DNAJC3: variants seen among roughly 807,000 people sequenced by gnomAD.
DNAJC3 encodes the protein DnaJ heat shock protein family (Hsp40) member C3.
In DNAJC3, 38 loss-of-function variants were observed where a neutral mutation model predicts 68.6. The ratio of observed to expected loss-of-function variants is 0.55; its 90% CI spans 0.43 to 0.73. The LOEUF is 0.73. Among genes scored for constraint, DNAJC3 ranks in the 30% least tolerant of loss-of-function variants. The pLI is 0.00. For synonymous variants in DNAJC3, 203 were observed against 204.0 expected (o/e 1.00, Z 0.04); for missense variants, 526 against 591.9 (o/e 0.89, Z 1.16).
At chr13:95,746,076 G>T (rs575275240) in intron 4 of DNAJC3, among the ~76,000 whole-genome samples, 3 of 152,282 alleles carry the variant, frequency 2.0e-5, no homozygotes, top group African/African-American at 7.2e-5. Context: ...TTGGCAAGTA[G>T]GTTTTAGATT....
intron 1 of DNAJC3, among the ~76,000 whole-genome samples, chr13:95,688,754 A>C (rs1014341296): frequency 2.0e-5 from 3 of 152,082 alleles, no homozygotes; most frequent in Admixed American, 6.6e-5. Flanking sequence ...CTCCCACCTC[A>C]GCCTCCCAAG....
intron 3 of DNAJC3, among the ~76,000 whole-genome samples, chr13:95,724,666 T>TC (rs1881447133): frequency 6.6e-6 from 1 of 152,174 alleles, no homozygotes; most frequent in Non-Finnish European, 1.5e-5. Context: ...TAGCGGTCAC[T>TC]CCCCATTGCT....
At chr13:95,786,116 C>G in intron 10 of DNAJC3, 45 bp downstream of exon 10, 1 of 1,530,952 alleles carries the variant, frequency 6.5e-7, no homozygotes, top group Non-Finnish European at 8.8e-7. Context: ...TTAATCAACT[C>G]TGTTTCAAAG....
At chr13:95,711,786 A>G (rs1282797501) in intron 2 of DNAJC3, among the ~76,000 whole-genome samples, 4 of 152,214 alleles carry the variant, frequency 2.6e-5, no homozygotes, top group East Asian at 3.8e-4. Flanking sequence ...GCGTCTTTCA[A>G]TAATATATAG....
intron 2 of DNAJC3, among the ~76,000 whole-genome samples, chr13:95,722,836 C>T (rs112865714): frequency 9.6e-5 from 3 of 31,232 alleles, no homozygotes; most frequent in African/African-American, 2.8e-4. Context: ...CCCCCCCCCC[C>T]CCCGCCGAAA....
chr13:95,708,998 C>T (rs1235900313), intron 1 of DNAJC3, among the ~76,000 whole-genome samples: 1 of 152,160 alleles, frequency 6.6e-6, no homozygotes, highest in Non-Finnish European at 1.5e-5. Flanking sequence ...GGACTGGTTA[C>T]ATTCTTTTGA....
At chr13:95,713,458 C>A (rs542769262) in intron 2 of DNAJC3, among the ~76,000 whole-genome samples, 16 of 152,240 alleles carry the variant, frequency 1.1e-4, no homozygotes, top group African/African-American at 3.6e-4. Context: ...TTGCTGAAAA[C>A]CACAAAAATA....
chr13:95,758,563 A>G (rs1181750575), intron 5 of DNAJC3, among the ~76,000 whole-genome samples: 1 of 151,260 alleles, frequency 6.6e-6, no homozygotes, highest in Non-Finnish European at 1.5e-5. Flanking sequence ...TGAGAAGCAG[A>G]GGTTGCAGTG....
chr13:95,735,479 C>T (rs1315771504), intron 4 of DNAJC3, among the ~76,000 whole-genome samples: 1 of 144,036 alleles, frequency 6.9e-6, no homozygotes, highest in African/African-American at 2.6e-5. Flanking sequence ...CTCTCCAGCA[C>T]CTGTTGTTTC....
In DNAJC3 at chr13:95,791,438, A is replaced by G; in HGVS notation, c.*408A>G. On this transcript the variant is annotated 3_prime_UTR_variant, in exon 12 of 12. Coordinates refer to ENST00000602402, the MANE Select transcript of DNAJC3 (RefSeq NM_006260.5). ...ATCTTCATGAGGATGGTTATACTTCAGTATTCTTAAAGAGAACATGAACAT... is the reference window on the plus strand; with the variant it reads ...ATCTTCATGAGGATGGTTATACTTCGGTATTCTTAAAGAGAACATGAACAT... The G allele has an allele frequency of 4.8e-6, 1 of 209,310 alleles. No homozygotes were observed. The highest frequency in any genetic ancestry group is 7.1e-5 in the South Asian group (1 of 13,990). The allele number at this position is 209,310 out of a possible 1,614,324, so 13.0% of individuals were successfully genotyped here. A position where few individuals can be genotyped will look rare whatever the true frequency, so the allele number is the denominator to read the frequency against.
At chr13:95,725,137 C>G (rs768344165) in intron 3 of DNAJC3, 41 bp from the exon 4 acceptor site, 1 of 1,343,720 alleles carries the variant, frequency 7.4e-7, no homozygotes, top group African/African-American at 1.5e-5. Flanking sequence ...ATTTAGAAAT[C>G]TATAATATTC....
chr13:95,748,433 C>A (rs1231256908), intron 4 of DNAJC3, among the ~76,000 whole-genome samples: 4 of 152,186 alleles, frequency 2.6e-5, no homozygotes, highest in African/African-American at 9.7e-5. Flanking sequence ...TATTATACAT[C>A]AAAATAACTG....
chr13:95,731,512 C>T (rs1381679971), intron 4 of DNAJC3, among the ~76,000 whole-genome samples: 1 of 152,158 alleles, frequency 6.6e-6, no homozygotes, highest in Non-Finnish European at 1.5e-5. Flanking sequence ...CCTGAGGAGG[C>T]TTTGAATTTT....
In DNAJC3 at chr13:95,760,125, T is replaced by G; in HGVS notation, c.632T>G (p.Leu211Ter). The stretch of plus-strand genomic sequence containing the variant: ...GAACCTAGGAAAGCTATAAGTGACT[T>G]AAAAGCTGCGTCAAAGTTGAAGAAT... ...EGEPRKAISDLKAASKLKNDN... is the reference protein window; with the variant it reads ...EGEPRKAISD Residue 211 changes from leucine (L) to a stop codon, truncating the protein, a stop_gained, in exon 6 of 12, where the codon TTA becomes TGA. Coordinates refer to ENST00000602402, the MANE Select transcript of DNAJC3 (RefSeq NM_006260.5). LOFTEE classifies it high-confidence loss of function. The G allele has an allele frequency of 6.2e-7, 1 of 1,613,150 alleles. No individual in the cohort carries two copies. Among genetic ancestry groups the G allele is most frequent in the Non-Finnish European group, 8.5e-7 (1 of 1,179,494 alleles).
At position 95,712,922 on chromosome 13, in the gene DNAJC3, T is replaced by C. The variant is rs1881020363; in HGVS notation, c.193+3585T>C. Among the ~76,000 whole-genome samples the C allele has an allele frequency of 2.6e-5, 4 of 152,140 alleles. No individual in the cohort carries two copies. The South Asian group carries it at 8.3e-4, about 31-fold the overall frequency. ...GACCCAGTGGGAGTTAATTTAATCA[T>C]GGGGGTGGTTACCCCCATGCTGTTC... On this transcript the variant is annotated intron_variant, in intron 2 of 11. Transcript: ENST00000602402.
At chr13:95,738,399 A>T (rs1474332642) in intron 4 of DNAJC3, among the ~76,000 whole-genome samples, 3 of 148,540 alleles carry the variant, frequency 2.0e-5, no homozygotes, top group Non-Finnish European at 4.5e-5. Context: ...TGTCTCGTTG[A>T]TCTGTCTAAT....
intron 1 of DNAJC3, among the ~76,000 whole-genome samples, chr13:95,701,025 C>T (rs1271622343): frequency 1.3e-5 from 2 of 152,032 alleles, no homozygotes; most frequent in African/African-American, 4.8e-5. Flanking sequence ...AATGTCATGT[C>T]CTTTGTTTTT....
chr13:95,786,072 G>GTGAAT lies in DNAJC3; in HGVS notation c.1208+3_1208+7dup. On this transcript the variant is annotated splice_donor_variant, in intron 10 of 11. Coordinates refer to ENST00000602402, the MANE Select transcript of DNAJC3 (RefSeq NM_006260.5). LOFTEE classifies it high-confidence loss of function. The stretch of plus-strand genomic sequence containing the variant: ...ATTATAAAATCTTGGGAGTAAAAAG[G>GTGAAT]TGAATTATTAATTTAAAATTTACTT... 6.3e-7 allele frequency: 1 copy of GTGAAT among 1,592,860 alleles called. No individual in the cohort carries two copies. Among genetic ancestry groups the GTGAAT allele is most frequent in the Non-Finnish European group, 8.5e-7 (1 of 1,173,016 alleles).
chr13:95,730,577 C>A (rs1332235892), intron 4 of DNAJC3, among the ~76,000 whole-genome samples: 1 of 152,076 alleles, frequency 6.6e-6, no homozygotes, highest in Non-Finnish European at 1.5e-5. Flanking sequence ...GTGTCCTCTC[C>A]CCAATGTATG....
Sources: allele counts gnomAD v4.1 joint callset (sites outside exome capture counted in the v4.1 genomes callset), GRCh38; gene constraint gnomAD v4.1.1; transcripts MANE v1.5; gene names NCBI Gene and HGNC (gene_info 2026-07-23, HGNC 2026-07-21).